IL1RAPL2: variants seen among roughly 807,000 people sequenced by gnomAD.
IL1RAPL2 encodes the protein X-linked interleukin-1 receptor accessory protein-like 2.
In IL1RAPL2, 3 loss-of-function variants were observed where a neutral mutation model predicts 44.1. The ratio of observed to expected loss-of-function variants is 0.07; its 90% CI spans 0.03 to 0.18. IL1RAPL2 has a LOEUF of 0.18. Ranked by LOEUF, IL1RAPL2 falls within the 10% of genes least tolerant of loss-of-function variation. The pLI, the probability that IL1RAPL2 is intolerant of heterozygous loss-of-function variation, is 1.00. For missense variants in IL1RAPL2, 391 were observed against 496.4 expected, an observed-to-expected ratio of 0.79 and a Z score of 2.02; for synonymous variants, 181 against 178.8, an observed-to-expected ratio of 1.01 and a Z score of -0.10.
chrX:105,059,623 C>T (rs970606583), intron 2 of IL1RAPL2, among the ~76,000 whole-genome samples: 4 of 111,282 alleles, frequency 3.6e-5, no homozygotes, highest in African/African-American at 9.8e-5. Context: ...CTCTGCCTCC[C>T]GGGTTCAAGT....
At chrX:105,205,734 G>A (rs1321193772) in intron 3 of IL1RAPL2, among the ~76,000 whole-genome samples, 1 of 103,053 alleles carries the variant, frequency 9.7e-6, no homozygotes, top group African/African-American at 3.5e-5. Flanking sequence ...GTTGCATATT[G>A]TGGACCAGAA....
intron 5 of IL1RAPL2, among the ~76,000 whole-genome samples, chrX:105,442,533 GT>G (rs997838703): frequency 2.0e-4 from 22 of 111,922 alleles, no homozygotes; most frequent in Non-Finnish European, 2.6e-4. Flanking sequence ...TTTGTGGCAC[GT>G]TTTTAAAATC....
At chrX:104,980,581 A>G (rs1308601836) in intron 2 of IL1RAPL2, among the ~76,000 whole-genome samples, 2 of 112,460 alleles carry the variant, frequency 1.8e-5, no homozygotes, top group Non-Finnish European at 3.8e-5. Flanking sequence ...CATTCTGCCA[A>G]TTCCCATTTT....
rs773266019 is a variant in IL1RAPL2, at chrX:105,029,780, C to T, written c.83-165695C>T. 6.3e-5 allele frequency among the ~76,000 whole-genome samples: 7 copies of T among 111,237 alleles called. No homozygotes were observed. In the South Asian group the frequency reaches 2.7e-3, roughly 43 times the overall value. On this transcript the variant is annotated intron_variant, in intron 2 of 10. Transcript: ENST00000372582. ...GGGTATATACCCAGTAATGGGCTGGCTGTGTCAAATGGTATTTCTAGTTCT... is the reference window on the plus strand; with the variant it reads ...GGGTATATACCCAGTAATGGGCTGGTTGTGTCAAATGGTATTTCTAGTTCT...
chrX:104,602,027 G>T (rs1928892888), intron 1 of IL1RAPL2, among the ~76,000 whole-genome samples: 1 of 112,056 alleles, frequency 8.9e-6, no homozygotes, highest in African/African-American at 3.2e-5. Context: ...AGAAAATGTG[G>T]TAGGGATTTC....
chrX:105,164,250 A>G (rs2033352239), intron 2 of IL1RAPL2, among the ~76,000 whole-genome samples: 1 of 111,616 alleles, frequency 9.0e-6, no homozygotes, highest in Non-Finnish European at 1.9e-5. Context: ...TAAGATGGAA[A>G]CTGGCCTGAG....
At chrX:104,613,061 C>T (rs183140469) in intron 1 of IL1RAPL2, among the ~76,000 whole-genome samples, 5 of 111,910 alleles carry the variant, frequency 4.5e-5, no homozygotes, top group Admixed American at 3.8e-4. Flanking sequence ...ATCAGTTCCA[C>T]GAATATTTTG....
At chrX:105,467,802 G>T (rs914387328) in intron 5 of IL1RAPL2, among the ~76,000 whole-genome samples, 1 of 111,702 alleles carries the variant, frequency 9.0e-6, no homozygotes, top group African/African-American at 3.3e-5. Context: ...AGGGCAGGGG[G>T]CATTGTAATA....
rs1304044009 is a variant in IL1RAPL2, at chrX:104,855,680, C to CTTTTTTTTTTTTTTTTTTTT, written c.82+196685_82+196686insTTTTTTTTTTTTTTTTTTTT. ...CTTAACTGTGCTAAGGATCTGGATC[C>CTTTTTTTTTTTTTTTTTTTT]GTTTTTTTTTTTTTTTTTACTGTAT... is the stretch of plus-strand genomic sequence containing the variant. On this transcript the variant is annotated intron_variant, in intron 2 of 10. Transcript: ENST00000372582. Among the ~76,000 whole-genome samples, 8 of 53,798 alleles carry CTTTTTTTTTTTTTTTTTTTT rather than the reference C, an allele frequency of 1.5e-4. 1 individual carries two copies. Among genetic ancestry groups the CTTTTTTTTTTTTTTTTTTTT allele is most frequent in the African/African-American group, 4.4e-4 (7 of 15,968 alleles). The allele number at this position is 53,798 out of a possible 115,157, so 46.7% of individuals were successfully genotyped here.
At chrX:105,636,145 G>C (rs1639105556) in intron 6 of IL1RAPL2, among the ~76,000 whole-genome samples, 1 of 110,866 alleles carries the variant, frequency 9.0e-6, no homozygotes, top group Admixed American at 9.6e-5. Context: ...ATGTGGCAGA[G>C]AAAGGAGGAA....
At position 104,567,646 on chromosome X, in the gene IL1RAPL2, TC is replaced by T. The variant is rs759130285; in HGVS notation, c.-20+599del. Among the ~76,000 whole-genome samples, 8 of 112,081 alleles carry T rather than the reference TC, an allele frequency of 7.1e-5. No homozygotes were observed. The East Asian group carries it at 2.3e-3, about 32-fold the overall frequency. On this transcript the variant is annotated intron_variant, in intron 1 of 10. Coordinates refer to ENST00000372582, the MANE Select transcript of IL1RAPL2 (RefSeq NM_017416.2). ...GCCCCCTTTCCTCTTCCCGCAAGAATCCCCGATACCCCTAGAGTGGGTTTCC... is the reference window on the plus strand; with the variant it reads ...GCCCCCTTTCCTCTTCCCGCAAGAATCCCGATACCCCTAGAGTGGGTTTCC...
At chrX:105,016,696 T>C (rs991344308) in intron 2 of IL1RAPL2, among the ~76,000 whole-genome samples, 1 of 111,957 alleles carries the variant, frequency 8.9e-6, no homozygotes, top group African/African-American at 3.2e-5. Flanking sequence ...CTTTTCGATG[T>C]GCTGCTGGAT....
intron 1 of IL1RAPL2, among the ~76,000 whole-genome samples, chrX:104,608,219 G>C (rs1450219050): frequency 9.1e-6 from 1 of 110,069 alleles, no homozygotes; most frequent in Non-Finnish European, 1.9e-5. Context: ...TCACACACTG[G>C]GCCAGTCAGG....
chrX:105,209,508 C>T (rs2033791315), intron 3 of IL1RAPL2, among the ~76,000 whole-genome samples: 1 of 111,299 alleles, frequency 9.0e-6, no homozygotes, highest in Non-Finnish European at 1.9e-5. Flanking sequence ...CATGAAATAT[C>T]CATCCCCTTC....
chrX:104,809,624 A>G (rs1394851199), intron 2 of IL1RAPL2, among the ~76,000 whole-genome samples: 1 of 109,276 alleles, frequency 9.2e-6, no homozygotes, highest in Non-Finnish European at 1.9e-5. Flanking sequence ...GATTCTGGAT[A>G]TTAGCCCTTT....
intron 2 of IL1RAPL2, among the ~76,000 whole-genome samples, chrX:104,934,089 A>G (rs1169168186): frequency 8.9e-6 from 1 of 112,317 alleles, no homozygotes; most frequent in African/African-American, 3.2e-5. Flanking sequence ...CATAGCTCTT[A>G]TGAAAAAGCA....
At chrX:104,761,923 C>CCTTCTCCTTCTT (rs1932455348) in intron 2 of IL1RAPL2, among the ~76,000 whole-genome samples, 1 of 30,812 alleles carries the variant, frequency 3.2e-5, no homozygotes, top group Admixed American at 3.9e-4. Flanking sequence ...TTCTCCTTCT[C>CCTTCTCCTTCTT]CTTCTTCTTC....
chrX:104,725,062 G>A (rs1048169195), intron 2 of IL1RAPL2, among the ~76,000 whole-genome samples: 78 of 111,090 alleles, frequency 7.0e-4, no homozygotes, highest in African/African-American at 2.5e-3. Flanking sequence ...AGGCCCTGGT[G>A]TGTGATGTTT....
chrX:105,758,409 ATCTCTC>A (rs59823277), intron 10 of IL1RAPL2, among the ~76,000 whole-genome samples: 83 of 102,396 alleles, frequency 8.1e-4, no homozygotes, highest in Non-Finnish European at 1.2e-3. Context: ...GTACATGAAA[ATCTCTC>A]TCTCTCTCTC....
Sources: gnomAD v4.1 joint callset for allele counts (sites outside exome capture counted in the v4.1 genomes callset) on GRCh38, gnomAD v4.1.1 for gene constraint, MANE v1.5 for transcripts, NCBI Gene and HGNC (gene_info 2026-07-23, HGNC 2026-07-21) for gene names.